The following PSMG4 variants were observed in gnomAD, a reference collection of about 807,000 sequenced individuals.
PSMG4 encodes the protein proteasome assembly chaperone 4.
In PSMG4, 10 loss-of-function variants were observed where a neutral mutation model predicts 11.0. That is an observed-to-expected ratio of 0.91 (90% CI 0.56 to 1.54). PSMG4 has a LOEUF of 1.54. Ranked by LOEUF, PSMG4 falls within the 40% of genes most tolerant of loss-of-function variation. The pLI, the probability that PSMG4 is intolerant of heterozygous loss-of-function variation, is 0.00. For missense variants in PSMG4, 198 were observed against 160.9 expected (o/e 1.23, Z -1.25); for synonymous variants, 95 against 71.3 (o/e 1.33, Z -1.68).
chr6:3,255,022 A>C, upstream of PSMG4: 3 of 1,548,630 alleles, frequency 1.9e-6, no homozygotes, highest in Non-Finnish European at 2.6e-6. Context: ...GAGCGCTGGG[A>C]TAATGGCGCT....
intron 2 of PSMG4, 132 bp from the exon 3 acceptor site, chr6:3,267,459 G>C: frequency 1.0e-6 from 1 of 1,000,742 alleles, no homozygotes; most frequent in Middle Eastern, 3.0e-4. Flanking sequence ...GAGAGGCATG[G>C]AGATTAGAGC....
chr6:3,257,102 G>T (rs1248782575), upstream of PSMG4, among the ~76,000 whole-genome samples: 5 of 152,200 alleles, frequency 3.3e-5, no homozygotes, highest in Non-Finnish European at 7.3e-5. Flanking sequence ...TTTTAGGAGA[G>T]GGACAAGGAG....
At chr6:3,264,268 G>T (rs4959787) in intron 2 of PSMG4, 15 of 1,551,260 alleles carry the variant, frequency 9.7e-6, no homozygotes, top group East Asian at 2.4e-5. Context: ...ATTAAGCAAA[G>T]GTCATGAGGC....
At chr6:3,255,004 C>G (rs775816866), upstream of PSMG4, 3 of 1,541,404 alleles carry the variant, frequency 1.9e-6, no homozygotes, top group Admixed American at 2.0e-5. Context: ...TAGCGCACTC[C>G]CATGTGGGAG....
chr6:3,254,623 G>A (rs780322512), upstream of PSMG4, among the ~76,000 whole-genome samples: 28 of 152,104 alleles, frequency 1.8e-4, no homozygotes, highest in Non-Finnish European at 3.2e-4. Flanking sequence ...AGCTTTAAGA[G>A]GTGTAACACT....
upstream of PSMG4, among the ~76,000 whole-genome samples, chr6:3,256,760 C>T (rs1055353082): frequency 1.3e-5 from 2 of 152,230 alleles, no homozygotes; most frequent in East Asian, 1.9e-4. Flanking sequence ...AGTTGTTCTG[C>T]ACTGGGGCAA....
upstream of PSMG4, among the ~76,000 whole-genome samples, chr6:3,256,552 C>T (rs942313427): frequency 3.3e-5 from 5 of 152,194 alleles, no homozygotes; most frequent in Non-Finnish European, 5.9e-5. Flanking sequence ...ATGGTGGTGC[C>T]GGGGACCTGG....
chr6:3,261,392 G>A (rs1268865454), intron 1 of PSMG4, among the ~76,000 whole-genome samples: 1 of 152,050 alleles, frequency 6.6e-6, no homozygotes, highest in Non-Finnish European at 1.5e-5. Flanking sequence ...CAGGGCTTTG[G>A]GCACTGGTCA....
chr6:3,263,608 G>C, intron 1 of PSMG4, 76 bp from the exon 2 acceptor site: 1 of 1,269,910 alleles, frequency 7.9e-7, no homozygotes, highest in East Asian at 2.7e-5. Context: ...TGAAGAATCA[G>C]AAGCCCGGAA....
chr6:3,259,015 G>A lies in PSMG4; in HGVS notation c.-8G>A, dbSNP rs1227041767. Reference sequence around the variant, plus strand: ...TCTGGCGCTGTGGGCCGGGAGCCGTGGGGCGGCATGGAGGGGCTGGTTGTC... The same window carrying A: ...TCTGGCGCTGTGGGCCGGGAGCCGTAGGGCGGCATGGAGGGGCTGGTTGTC... On this transcript the variant is annotated 5_prime_UTR_variant, in exon 1 of 3. Coordinates refer to ENST00000438998, the MANE Select transcript of PSMG4 (RefSeq NM_001128591.2). 2.4e-6 allele frequency: 3 copies of A among 1,243,776 alleles called. No individual in the cohort carries two copies. The East Asian group carries it at 9.4e-5, about 39-fold the overall frequency. The allele number at this position is 1,243,776 out of a possible 1,614,324, so 77.0% of individuals were successfully genotyped here. A position where few individuals can be genotyped will look rare whatever the true frequency, so the allele number is the denominator to read the frequency against.
chr6:3,262,291 G>C (rs761645795), intron 1 of PSMG4, among the ~76,000 whole-genome samples: 1 of 152,156 alleles, frequency 6.6e-6, no homozygotes, highest in South Asian at 2.1e-4. Flanking sequence ...AGGGTGACAC[G>C]ATGGGGCTTT....
intron 1 of PSMG4, among the ~76,000 whole-genome samples, chr6:3,262,625 T>G (rs1419475980): frequency 6.6e-6 from 1 of 152,026 alleles, no homozygotes. Context: ...TTCAGTTAAC[T>G]TGTCCCCACC....
At position 3,259,116 on chromosome 6, in the gene PSMG4, C is replaced by G. The variant is rs947831461; in HGVS notation, c.94C>G (p.Arg32Gly). The G allele has an allele frequency of 3.9e-6, 5 of 1,280,734 alleles. No individual in the cohort carries two copies. In the African/African-American group the frequency reaches 6.2e-5, roughly 16 times the overall value. The allele number at this position is 1,280,734 out of a possible 1,614,324, so 79.3% of individuals were successfully genotyped here. Reference protein sequence around the residue: ...WEQLVHFHVMRLTDSLFLWVG... With the variant: ...WEQLVHFHVMGLTDSLFLWVG... ...GCAGCTGGTCCACTTCCACGTCATG[C>G]GGCTGACGGACTCGCTGTTCCTGTG... Residue 32 changes from arginine to glycine, a missense_variant, in exon 1 of 3, where the codon CGG becomes GGG. Physicochemically the swap from Arg to Gly is moderately radical, Grantham distance 125. Transcript: ENST00000438998.
upstream of PSMG4, chr6:3,255,112 T>G: frequency 1.3e-6 from 2 of 1,551,044 alleles, no homozygotes; most frequent in Non-Finnish European, 1.7e-6. Flanking sequence ...GAGCACAACA[T>G]CACCAGCTTA....
chr6:3,259,486 G>A (rs1757891063), intron 1 of PSMG4, among the ~76,000 whole-genome samples: 1 of 152,246 alleles, frequency 6.6e-6, no homozygotes, highest in African/African-American at 2.4e-5. Flanking sequence ...CACGCTCGCT[G>A]GGGGACGCGT....
At chr6:3,262,003 G>C (rs908422724) in intron 1 of PSMG4, among the ~76,000 whole-genome samples, 1 of 152,230 alleles carries the variant, frequency 6.6e-6, no homozygotes, top group East Asian at 1.9e-4. Context: ...TCCCACATGT[G>C]AGACTGTAGA....
upstream of PSMG4, among the ~76,000 whole-genome samples, chr6:3,256,214 C>T (rs1305234955): frequency 6.6e-6 from 1 of 152,202 alleles, no homozygotes; most frequent in Non-Finnish European, 1.5e-5. Flanking sequence ...TTGGTTTTCT[C>T]CACTATGATA....
upstream of PSMG4, among the ~76,000 whole-genome samples, chr6:3,257,039 T>C (rs1240534417): frequency 6.6e-6 from 1 of 152,162 alleles, no homozygotes; most frequent in African/African-American, 2.4e-5. Flanking sequence ...ATCTTTATCT[T>C]TCACTGTCAC....
chr6:3,259,246 G>A (rs1757875642), intron 1 of PSMG4, 50 bp downstream of exon 1: 2 of 1,240,350 alleles, frequency 1.6e-6, no homozygotes, highest in Non-Finnish European at 2.0e-6. Flanking sequence ...GGGCGCGGGG[G>A]CGCCGGGCCT....
Sources: allele counts gnomAD v4.1 joint callset (sites outside exome capture counted in the v4.1 genomes callset), GRCh38; gene constraint gnomAD v4.1.1; transcripts MANE v1.5; gene names NCBI Gene and HGNC (gene_info 2026-07-23, HGNC 2026-07-21).